IRAG2: variants seen among roughly 807,000 people sequenced by gnomAD.
IRAG2 encodes the protein inositol 1,4,5-triphosphate receptor associated 2.
A neutral mutation model predicts 69.9 loss-of-function variants in IRAG2; 45 were observed. The observed-to-expected ratio is 0.64, with a 90% confidence interval of 0.51 to 0.83. The LOEUF (loss-of-function observed/expected upper bound fraction) is 0.83, where lower values mean the gene tolerates loss of function less well. IRAG2 is among the 40% of genes least tolerant of loss of function. The probability of loss-of-function intolerance (pLI) is 0.00; values close to 1 mark genes in which losing one functional copy is unlikely to be tolerated. For missense variants in IRAG2, 520 were observed against 587.0 expected (o/e 0.89, Z 1.18); for synonymous variants, 193 against 202.4 (o/e 0.95, Z 0.40).
exon 8 of IRAG2, chr12:25,023,903 T>G: frequency 8.1e-7 from 1 of 1,228,510 alleles, no homozygotes; most frequent in East Asian, 3.2e-5. Flanking sequence ...TTCTTAAGAT[T>G]CGGATTCTAC....
At chr12:25,039,992 G>T (rs1460044794) in intron 16 of IRAG2, among the ~76,000 whole-genome samples, 1 of 152,186 alleles carries the variant, frequency 6.6e-6, no homozygotes, top group Non-Finnish European at 1.5e-5. Flanking sequence ...ACCTAGTTCT[G>T]TCTGACTTCA....
rs1406644103 is a variant in IRAG2, at chr12:25,104,028, A to G, written c.1016A>G (p.Asn339Ser). The G allele has an allele frequency of 6.2e-7, 1 of 1,613,430 alleles. No individual in the cohort carries two copies. The highest frequency in any genetic ancestry group is 1.7e-5 in the Admixed American group (1 of 59,990). Residue 339 changes from asparagine to serine, a missense_variant, in exon 19 of 22, where the codon AAT becomes AGT. Physicochemically the swap from Asn to Ser is conservative, Grantham distance 46. Coordinates refer to ENST00000556887, the MANE Select transcript of IRAG2 (RefSeq NM_001366544.2). ...NAGMVAGMEN[N>S]DRFSRRSSSW... ...CTAAAGGTGGCTGGGATGGAAAATA[A>G]TGATCGATTCAGTAGAAGGTCAAGC...
At position 25,086,867 on chromosome 12, in the gene IRAG2, C is replaced by T. The variant is rs1046154218; in HGVS notation, c.316-1233C>T. ...AAGGGGTAGAGTAGTTAATTGATCACGAATGGGAGAGGAAGAGCTAGAAAC... is the reference window on the plus strand; with the variant it reads ...AAGGGGTAGAGTAGTTAATTGATCATGAATGGGAGAGGAAGAGCTAGAAAC... On this transcript the variant is annotated intron_variant, in intron 10 of 21. Transcript: ENST00000556887. 9.9e-5 allele frequency among the ~76,000 whole-genome samples: 15 copies of T among 152,184 alleles called. No individual in the cohort carries two copies. The South Asian group carries it at 1.2e-3, about 13-fold the overall frequency.
intron 1 of IRAG2, among the ~76,000 whole-genome samples, chr12:25,060,992 T>C (rs1221403417): frequency 6.6e-6 from 1 of 152,070 alleles, no homozygotes; most frequent in Non-Finnish European, 1.5e-5. Context: ...AGCTTAAGAT[T>C]AGACAATTCT....
chr12:25,062,841 C>T lies in IRAG2; in HGVS notation c.-363C>T, dbSNP rs1945715132. On this transcript the variant is annotated 5_prime_UTR_variant, in exon 3 of 22. Coordinates refer to ENST00000556887, the MANE Select transcript of IRAG2 (RefSeq NM_001366544.2). Reference sequence around the variant, plus strand: ...ACAGAGCTTTTTAGATGAGGAATTTCCTCACTATGATTCCCTGTCCTGCGC... The same window carrying T: ...ACAGAGCTTTTTAGATGAGGAATTTTCTCACTATGATTCCCTGTCCTGCGC... 3 of 398,890 alleles carry T rather than the reference C, an allele frequency of 7.5e-6. No individual in the cohort carries two copies. The highest frequency in any genetic ancestry group is 1.3e-4 in the South Asian group (1 of 7,866). The allele number at this position is 398,890 out of a possible 1,614,324, so 24.7% of individuals were successfully genotyped here.
At chr12:25,037,300 T>G (rs911700830) in intron 15 of IRAG2, among the ~76,000 whole-genome samples, 19 of 152,112 alleles carry the variant, frequency 1.2e-4, no homozygotes, top group African/African-American at 3.6e-4. Context: ...AATCTAATTT[T>G]TTTTTGTTTT....
chr12:25,077,266 AAT>A (rs57883311), intron 6 of IRAG2, among the ~76,000 whole-genome samples: 116 of 32,614 alleles, frequency 3.6e-3, no homozygotes, highest in Non-Finnish European at 5.9e-3. Flanking sequence ...ATATATATGA[AAT>A]ATATATGAAA....
At position 25,061,603 on chromosome 12, in the gene IRAG2, T is replaced by C. The variant is rs1381274073; in HGVS notation, c.-435T>C. On this transcript the variant is annotated 5_prime_UTR_variant, in exon 2 of 22. Transcript: ENST00000556887. ...AATTCTCTTTGTAGCAACAATTGAGTCACTTCAAAAGGAGTTCATTGAAGG... is the reference window on the plus strand; with the variant it reads ...AATTCTCTTTGTAGCAACAATTGAGCCACTTCAAAAGGAGTTCATTGAAGG... 2.5e-6 allele frequency: 1 copy of C among 398,470 alleles called. No individual in the cohort carries two copies. The highest frequency in any genetic ancestry group is 4.4e-6 in the Non-Finnish European group (1 of 226,054). 24.7% of individuals were successfully genotyped at this position (398,470 alleles called of 1,614,324 possible). A position where few individuals can be genotyped will look rare whatever the true frequency, so the allele number is the denominator to read the frequency against.
At chr12:25,095,566 T>G (rs1346540538) in intron 14 of IRAG2, among the ~76,000 whole-genome samples, 3 of 152,222 alleles carry the variant, frequency 2.0e-5, no homozygotes, top group Non-Finnish European at 4.4e-5. Flanking sequence ...TTGAGAATGT[T>G]TACATTAATA....
chr12:25,098,853 T>C (rs1053688032), intron 15 of IRAG2, among the ~76,000 whole-genome samples: 5 of 152,138 alleles, frequency 3.3e-5, no homozygotes, highest in Non-Finnish European at 5.9e-5. Flanking sequence ...AAAGCAGATT[T>C]TTCCAAGGTC....
intron 6 of IRAG2, among the ~76,000 whole-genome samples, chr12:25,078,819 A>G (rs1483610054): frequency 6.6e-6 from 1 of 152,238 alleles, no homozygotes; most frequent in Non-Finnish European, 1.5e-5. Context: ...TTTTCTAGCT[A>G]GAAAACTAAG....
intron 14 of IRAG2, among the ~76,000 whole-genome samples, chr12:25,092,243 T>C (rs532503365): frequency 1.1e-4 from 16 of 151,730 alleles, no homozygotes; most frequent in Admixed American, 8.5e-4. Flanking sequence ...CTACTAAAAA[T>C]ACAAAAATTA....
At chr12:25,060,818 A>C (rs1945581952) in intron 1 of IRAG2, among the ~76,000 whole-genome samples, 1 of 147,588 alleles carries the variant, frequency 6.8e-6, no homozygotes. Context: ...GCGCCACCAC[A>C]CCCAGCTAAT....
At chr12:25,080,671 G>A (rs1464593324) in intron 9 of IRAG2, among the ~76,000 whole-genome samples, 8 of 151,998 alleles carry the variant, frequency 5.3e-5, no homozygotes, top group East Asian at 1.9e-4. Context: ...ACATTCTATC[G>A]TTTTAACTCG....
chr12:25,077,014 C>T (rs1042990237), intron 6 of IRAG2, among the ~76,000 whole-genome samples: 8 of 150,572 alleles, frequency 5.3e-5, no homozygotes, highest in Non-Finnish European at 1.5e-5. Context: ...TAGCTGCAAT[C>T]GCAGGTGTAC....
chr12:25,010,912 AG>A (rs1406721064), intron 2 of IRAG2, among the ~76,000 whole-genome samples: 2 of 152,362 alleles, frequency 1.3e-5, no homozygotes, highest in African/African-American at 4.8e-5. Flanking sequence ...CCCCCTAAAA[AG>A]TAGAAATTTT....
At chr12:25,019,202 G>C (rs1312109168) in intron 6 of IRAG2, among the ~76,000 whole-genome samples, 1 of 152,210 alleles carries the variant, frequency 6.6e-6, no homozygotes, top group African/African-American at 2.4e-5. Context: ...GAGGGCATGT[G>C]TTACAAGCAA....
upstream of IRAG2, chr12:25,052,395 G>C: frequency 5.0e-6 from 2 of 397,348 alleles, no homozygotes; most frequent in East Asian, 7.1e-5. Context: ...CATCTCCTCA[G>C]ATGCCCTGCA....
Position 25,063,793 on chromosome 12 carries a change from C to A in IRAG2, c.-230C>A, listed in dbSNP as rs887138423. 5.0e-6 allele frequency: 2 copies of A among 398,914 alleles called. No homozygotes were observed. Among genetic ancestry groups the A allele is most frequent in the Non-Finnish European group, 8.8e-6 (2 of 226,058 alleles). 24.7% of individuals were successfully genotyped at this position (398,914 alleles called of 1,614,324 possible). A position where few individuals can be genotyped will look rare whatever the true frequency, so the allele number is the denominator to read the frequency against. ...CAGACACCCCTGACCTTGAAACATA[C>A]GTGCTGGTACACACCTCTGCTGGGT... On this transcript the variant is annotated 5_prime_UTR_variant, in exon 4 of 22. Transcript: ENST00000556887.
Sources: gnomAD v4.1 joint callset for allele counts (sites outside exome capture counted in the v4.1 genomes callset) on GRCh38, gnomAD v4.1.1 for gene constraint, MANE v1.5 for transcripts, NCBI Gene and HGNC (gene_info 2026-07-23, HGNC 2026-07-21) for gene names.